The following CCDC93 variants were observed in gnomAD, a reference collection of about 807,000 sequenced individuals.
CCDC93 encodes coiled-coil domain-containing protein 93.
A neutral mutation model predicts 108.2 loss-of-function variants in CCDC93; 61 were observed. The ratio of observed to expected loss-of-function variants is 0.56; its 90% CI spans 0.46 to 0.70. The LOEUF (loss-of-function observed/expected upper bound fraction) is 0.70. CCDC93 is among the 30% of genes least tolerant of loss of function. The pLI is 0.00. For missense variants in CCDC93, 685 were observed against 764.2 expected, an observed-to-expected ratio of 0.90 and a Z score of 1.22; for synonymous variants, 276 against 260.4, an observed-to-expected ratio of 1.06 and a Z score of -0.58.
Position 118,006,835 on chromosome 2 carries a change from A to G in CCDC93, c.157-19T>C. On this transcript the variant is annotated intron_variant, in intron 2 of 23. Coordinates refer to ENST00000376300, the MANE Select transcript of CCDC93 (RefSeq NM_019044.5). ...CTACTACCTGCAAGACATAAAGAAA[A>G]TATTTGTTTTCTCTTTTTAGTTTGG... 1 of 1,506,732 alleles carries G rather than the reference A, an allele frequency of 6.6e-7. No homozygotes were observed. Among genetic ancestry groups the G allele is most frequent in the Non-Finnish European group, 9.2e-7 (1 of 1,083,630 alleles). The allele number at this position is 1,506,732 out of a possible 1,614,324, so 93.3% of individuals were successfully genotyped here. A position where few individuals can be genotyped will look rare whatever the true frequency, so the allele number is the denominator to read the frequency against.
At position 117,949,356 on chromosome 2, in the gene CCDC93, C is replaced by T. The variant is rs983638561; in HGVS notation, c.1108G>A (p.Ala370Thr). 3.7e-6 allele frequency: 6 copies of T among 1,613,776 alleles called. No homozygotes were observed. In the South Asian group the frequency reaches 5.5e-5, roughly 15 times the overall value. ...GCTTTGGATTCTATCTTCTCGAGGGCTGCTTGCTCTTTGTCCAGTTTCTCA... is the reference window on the plus strand; with the variant it reads ...GCTTTGGATTCTATCTTCTCGAGGGTTGCTTGCTCTTTGTCCAGTTTCTCA... ...YSEKLDKEQA[A>T]LEKIESKADP... The change falls in exon 14 of 24, where the codon GCC becomes ACC. Residue 370 changes from alanine (A) to threonine (T), a missense_variant. By Grantham distance (58) the Ala-to-Thr change is moderately conservative. Coordinates refer to ENST00000376300, the MANE Select transcript of CCDC93 (RefSeq NM_019044.5).
chr2:117,930,608 T>A (rs1181596238), intron 23 of CCDC93: 1 of 154,508 alleles, frequency 6.5e-6, no homozygotes, highest in East Asian at 1.9e-4. Flanking sequence ...GTGGTAAATG[T>A]AGGATTCGAA....
At chr2:117,931,832 T>C (rs1180428541) in intron 22 of CCDC93, among the ~76,000 whole-genome samples, 1 of 152,202 alleles carries the variant, frequency 6.6e-6, no homozygotes, top group Non-Finnish European at 1.5e-5. Flanking sequence ...TAGGCTTTGA[T>C]TTAAAGAGAC....
intron 2 of CCDC93, 41 bp from the exon 3 acceptor site, chr2:118,006,857 T>C (rs1383403710): frequency 7.8e-7 from 1 of 1,278,444 alleles, no homozygotes; most frequent in African/African-American, 1.5e-5. Context: ...TCTTTTTAGT[T>C]TGGGGAGAAT....
Position 117,917,496 on chromosome 2 carries a change from C to T in CCDC93, c.*2847G>A, listed in dbSNP as rs1427655193. The T allele has an allele frequency of 6.6e-6, 1 of 152,608 alleles. No homozygotes were observed. The highest frequency in any genetic ancestry group is 1.5e-5 in the Non-Finnish European group (1 of 68,054). The allele number at this position is 152,608 out of a possible 1,614,324, so 9.5% of individuals were successfully genotyped here. A position where few individuals can be genotyped will look rare whatever the true frequency, so the allele number is the denominator to read the frequency against. ...GCGGACACTGGCAGGACCCAGCTAT[C>T]CTGAAAATATTAAGGGCTACGAGCT... On this transcript the variant is annotated 3_prime_UTR_variant, in exon 24 of 24. Coordinates refer to ENST00000376300, the MANE Select transcript of CCDC93 (RefSeq NM_019044.5).
At chr2:117,996,422 C>T in intron 4 of CCDC93, 60 bp from the exon 5 acceptor site, 1 of 1,145,916 alleles carries the variant, frequency 8.7e-7, no homozygotes, top group Non-Finnish European at 1.3e-6. Flanking sequence ...GAAGTGAAGG[C>T]CAGTTCAGAC....
intron 8 of CCDC93, 104 bp downstream of exon 8, chr2:117,977,890 G>A (rs1679993471): frequency 9.5e-7 from 1 of 1,052,654 alleles, no homozygotes; most frequent in Non-Finnish European, 1.5e-6. Context: ...CACATCCCTG[G>A]GTTTCCCAAG....
intron 23 of CCDC93, among the ~76,000 whole-genome samples, chr2:117,928,634 A>G (rs1197152943): frequency 1.3e-5 from 2 of 152,208 alleles, no homozygotes; most frequent in African/African-American, 4.8e-5. Context: ...GTATGTGGAG[A>G]AATAGGAACA....
At chr2:118,011,454 C>G (rs1352549530) in intron 1 of CCDC93, among the ~76,000 whole-genome samples, 1 of 152,120 alleles carries the variant, frequency 6.6e-6, no homozygotes, top group Non-Finnish European at 1.5e-5. Flanking sequence ...AAATAATTCA[C>G]ACCTTCTCTC....
rs543495499 is a variant in CCDC93, at chr2:117,985,151, A to C, written c.620+818T>G. Among the ~76,000 whole-genome samples, 1,027 of 149,478 alleles carry C rather than the reference A, an allele frequency of 6.9e-3. 16 individuals are homozygous for C. The highest frequency in any genetic ancestry group is 0.017 in the African/African-American group (683 of 39,126). On this transcript the variant is annotated intron_variant, in intron 7 of 23. Transcript: ENST00000376300. The stretch of plus-strand genomic sequence containing the variant: ...GAAGAAAAAACAAAACAAAACAAAA[A>C]AAAAAAAACATAAGCAATTGCATGC...
intron 11 of CCDC93, among the ~76,000 whole-genome samples, chr2:117,965,773 A>G (rs1679546406): frequency 6.6e-6 from 1 of 152,142 alleles, no homozygotes; most frequent in African/African-American, 2.4e-5. Context: ...CCTACACCTG[A>G]CACTGCCTGG....
chr2:118,004,996 TATAA>T lies in CCDC93; in HGVS notation c.251+1722_251+1725del, dbSNP rs966212654. 3.4e-4 allele frequency among the ~76,000 whole-genome samples: 52 copies of T among 152,282 alleles called. No individual in the cohort carries two copies. In the East Asian group the frequency reaches 4.8e-3, roughly 14 times the overall value. The stretch of plus-strand genomic sequence containing the variant: ...AAAAAAAAATTTATTTAGCAAAACT[TATAA>T]ATAGTCACATAAGTGGGATCAATAA... On this transcript the variant is annotated intron_variant, in intron 3 of 23. Coordinates refer to ENST00000376300, the MANE Select transcript of CCDC93 (RefSeq NM_019044.5).
chr2:117,996,498 C>T (rs1680654346), intron 4 of CCDC93, 136 bp from the exon 5 acceptor site: 2 of 615,908 alleles, frequency 3.2e-6, no homozygotes, highest in South Asian at 3.9e-5. Flanking sequence ...GCTATCAACA[C>T]ATGCTGTTCT....
intron 15 of CCDC93, 66 bp from the exon 16 acceptor site, chr2:117,946,948 A>G (rs1277397268): frequency 2.6e-6 from 3 of 1,171,394 alleles, no homozygotes; most frequent in Non-Finnish European, 3.8e-6. Flanking sequence ...TTATTCAACT[A>G]TTTGGTCCAC....
chr2:117,996,130 A>C (rs1680638358), intron 5 of CCDC93, 134 bp downstream of exon 5: 1 of 545,708 alleles, frequency 1.8e-6, no homozygotes, highest in Admixed American at 3.2e-5. Flanking sequence ...GTGGCTATGT[A>C]AAGAAGCACT....
At chr2:117,976,031 T>C (rs921910214) in intron 8 of CCDC93, among the ~76,000 whole-genome samples, 1 of 152,204 alleles carries the variant, frequency 6.6e-6, no homozygotes, top group African/African-American at 2.4e-5. Context: ...GGCTTACCTC[T>C]GATCCCTGCA....
At chr2:117,973,747 T>C (rs1039522435) in intron 11 of CCDC93, among the ~76,000 whole-genome samples, 161 bp downstream of exon 11, 4 of 152,212 alleles carry the variant, frequency 2.6e-5, no homozygotes, top group African/African-American at 9.6e-5. Context: ...CAAGTGCTGA[T>C]AGCCGGTTGT....
At chr2:117,923,571 G>A (rs996272681) in intron 23 of CCDC93, among the ~76,000 whole-genome samples, 1 of 152,170 alleles carries the variant, frequency 6.6e-6, no homozygotes, top group Non-Finnish European at 1.5e-5. Context: ...CTGGGGGAGG[G>A]GCACCCGCCA....
intron 20 of CCDC93, among the ~76,000 whole-genome samples, chr2:117,938,290 TGGTGAAGACCA>T (rs1345377794): frequency 6.6e-6 from 1 of 152,222 alleles, no homozygotes; most frequent in African/African-American, 2.4e-5. Flanking sequence ...TATGCTGCCA[TGGTGAAGACCA>T]GGACTGTTCT....
Sources: allele counts gnomAD v4.1 joint callset (sites outside exome capture counted in the v4.1 genomes callset), GRCh38; gene constraint gnomAD v4.1.1; transcripts MANE v1.5; gene names NCBI Gene and HGNC (gene_info 2026-07-23, HGNC 2026-07-21).